Variants in ATP6V1G1 observed in about 807,000 individuals in gnomAD.
The protein encoded by ATP6V1G1 is ATPase H+ transporting V1 subunit G1.
A neutral mutation model predicts 14.2 loss-of-function variants in ATP6V1G1; 14 were observed. The ratio of observed to expected loss-of-function variants is 0.99; its 90% CI spans 0.65 to 1.55. The LOEUF is 1.55. Ranked by LOEUF, ATP6V1G1 falls within the 40% of genes most tolerant of loss-of-function variation. The pLI is 0.00. For missense variants in ATP6V1G1, 137 were observed against 146.4 expected (o/e 0.94, Z 0.33); for synonymous variants, 65 against 53.3 (o/e 1.22, Z -0.96).
rs774500309 is a variant in ATP6V1G1 at position 114,597,880 on chromosome 9, T to C, written c.*137T>C. The C allele has an allele frequency of 6.2e-5, 50 of 800,328 alleles. No homozygotes were observed. The highest frequency in any genetic ancestry group is 7.9e-5 in the Non-Finnish European group (47 of 591,368). 49.6% of individuals were successfully genotyped at this position (800,328 alleles called of 1,614,324 possible). On this transcript the variant is annotated 3_prime_UTR_variant, in exon 3 of 3. Transcript: ENST00000374050. ...ATTATATAATAGGTCCTTCCACTTT[T>C]TGGAGAGTAGCAAATCTAGCTTTTT...
At chr9:114,594,861 CTTT>C (rs71997716) in intron 2 of ATP6V1G1, among the ~76,000 whole-genome samples, 131 of 110,560 alleles carry the variant, frequency 1.2e-3, no homozygotes, top group African/African-American at 1.7e-3. Flanking sequence ...TTCTTTTTTT[CTTT>C]TTTTTTTTTT....
chr9:114,594,933 C>G (rs1227826500), intron 2 of ATP6V1G1, among the ~76,000 whole-genome samples: 2 of 147,690 alleles, frequency 1.4e-5, no homozygotes, highest in African/African-American at 5.0e-5. Context: ...GATCTTGGCT[C>G]ACTGCATCCC....
intron 1 of ATP6V1G1, among the ~76,000 whole-genome samples, chr9:114,590,870 A>G (rs1845176249): frequency 1.3e-5 from 2 of 152,046 alleles, no homozygotes; most frequent in South Asian, 4.1e-4. Context: ...ATCTCGGCTC[A>G]CTACAATCTC....
At chr9:114,590,065 G>A (rs533948484) in intron 1 of ATP6V1G1, among the ~76,000 whole-genome samples, 35 of 152,008 alleles carry the variant, frequency 2.3e-4, no homozygotes, top group Admixed American at 2.2e-3. Flanking sequence ...GGGCGTGGTG[G>A]TGTGCGCGTG....
rs879407343 is a variant in ATP6V1G1, at chr9:114,598,779, G to A, written c.*1036G>A. 1.3e-5 allele frequency among the ~76,000 whole-genome samples: 2 copies of A among 152,024 alleles called. No homozygotes were observed. Among genetic ancestry groups the A allele is most frequent in the Non-Finnish European group, 2.9e-5 (2 of 68,018 alleles). On this transcript the variant is annotated 3_prime_UTR_variant, in exon 3 of 3. Transcript: ENST00000374050. The stretch of plus-strand genomic sequence containing the variant: ...CCATCTTAGCCGAAAGTCTTTGGTT[G>A]CAAAATCTTATAGGTAAAAACAGTT...
At chr9:114,596,725 C>G (rs1439818481) in intron 2 of ATP6V1G1, among the ~76,000 whole-genome samples, 2 of 152,104 alleles carry the variant, frequency 1.3e-5, no homozygotes, top group African/African-American at 2.4e-5. Flanking sequence ...TCTCGAATAG[C>G]TGAGACTACA....
At position 114,592,649 on chromosome 9, in the gene ATP6V1G1, T is replaced by C; in HGVS notation, c.180T>C (p.Ala60=). Residue 60 remains alanine, a synonymous_variant, in exon 2 of 3, where the codon GCT becomes GCC. Transcript: ENST00000374050. ...AGAAAGAATTCAAGGCCAAGGAAGCTGCGGTGGGGCACCATTTGTTTTTGT... is the reference window on the plus strand; with the variant it reads ...AGAAAGAATTCAAGGCCAAGGAAGCCGCGGTGGGGCACCATTTGTTTTTGT... The part of the protein sequence containing the change: ...QREKEFKAKE[A]AALGSRGSCS... 4 of 1,572,210 alleles carry C rather than the reference T, an allele frequency of 2.5e-6. No individual in the cohort carries two copies. The highest frequency in any genetic ancestry group is 1.2e-5 in the South Asian group (1 of 85,470).
At position 114,597,652 on chromosome 9, in the gene ATP6V1G1, G is replaced by A. The variant is rs61742531; in HGVS notation, c.266G>A (p.Arg89Gln). Reference sequence around the variant, plus strand: ...ATGACCATCCTCCAGACATACTTCCGGCAGAACAGGGATGAAGTCTTGGAC... The same window carrying A: ...ATGACCATCCTCCAGACATACTTCCAGCAGAACAGGGATGAAGTCTTGGAC... ...EKMTILQTYF[R>Q]QNRDEVLDNL... Residue 89 changes from arginine (R) to glutamine (Q), a missense_variant, in exon 3 of 3, where the codon CGG (arginine) becomes CAG (glutamine). Transcript: ENST00000374050. 2.5e-3 allele frequency: 4,009 copies of A among 1,590,632 alleles called. 86 individuals are homozygous for A. In the African/African-American group the frequency reaches 0.047, roughly 19 times the overall value.
intron 1 of ATP6V1G1, among the ~76,000 whole-genome samples, chr9:114,588,496 CAT>C (rs748393457): frequency 2.2e-4 from 32 of 143,384 alleles, no homozygotes; most frequent in South Asian, 4.6e-4. Context: ...GTGTTTCTAA[CAT>C]GTGGCAAGCG....
At chr9:114,589,949 G>A (rs1845166256) in intron 1 of ATP6V1G1, among the ~76,000 whole-genome samples, 1 of 152,138 alleles carries the variant, frequency 6.6e-6, no homozygotes, top group Admixed American at 6.5e-5. Context: ...TGTAATCCCA[G>A]CACTTTGGGA....
intron 2 of ATP6V1G1, 56 bp downstream of exon 2, chr9:114,592,708 A>G: frequency 2.0e-6 from 3 of 1,522,782 alleles, no homozygotes; most frequent in Admixed American, 2.0e-5. Flanking sequence ...TGTCCCGCCA[A>G]GGCTTTCAGA....
At chr9:114,595,025 G>GTT (rs76024528) in intron 2 of ATP6V1G1, among the ~76,000 whole-genome samples, 21 of 138,152 alleles carry the variant, frequency 1.5e-4, no homozygotes, top group African/African-American at 2.9e-4. Flanking sequence ...ACGCCTGGCA[G>GTT]TTTTTTTTTT....
chr9:114,591,728 T>C (rs1339491215), intron 1 of ATP6V1G1, among the ~76,000 whole-genome samples: 2 of 152,188 alleles, frequency 1.3e-5, no homozygotes, highest in African/African-American at 4.8e-5. Flanking sequence ...TGATGTACAG[T>C]GTTGTATAAC....
intron 1 of ATP6V1G1, among the ~76,000 whole-genome samples, 161 bp from the exon 2 acceptor site, chr9:114,592,390 AC>A (rs1845191250): frequency 6.6e-6 from 1 of 152,016 alleles, no homozygotes; most frequent in Non-Finnish European, 1.5e-5. Flanking sequence ...GGAGGGAGGA[AC>A]CTGTACTGTT....
At chr9:114,596,753 C>T (rs1164954035) in intron 2 of ATP6V1G1, among the ~76,000 whole-genome samples, 1 of 152,104 alleles carries the variant, frequency 6.6e-6, no homozygotes, top group Non-Finnish European at 1.5e-5. Context: ...ACCACCACGA[C>T]TGGCTTGTGT....
At chr9:114,589,003 A>T (rs1845157671) in intron 1 of ATP6V1G1, among the ~76,000 whole-genome samples, 1 of 152,082 alleles carries the variant, frequency 6.6e-6, no homozygotes, top group Non-Finnish European at 1.5e-5. Flanking sequence ...AAGCAGCATG[A>T]TGTCTTTCAC....
chr9:114,587,896 G>C lies in ATP6V1G1; in HGVS notation c.58G>C (p.Glu20Gln). The change falls in exon 1 of 3, where the codon GAG (glutamate) becomes CAG (glutamine). Residue 20 changes from glutamate (E) to glutamine (Q), a missense_variant. Physicochemically the swap from Glu to Gln is conservative, Grantham distance 29. Coordinates refer to ENST00000374050, the MANE Select transcript of ATP6V1G1 (RefSeq NM_004888.4). ...GCTGCAGGCCGAGAAGCGGGCAGCCGAGAAGGTGTCCGAGGCCCGCAAAAG... is the reference window on the plus strand; with the variant it reads ...GCTGCAGGCCGAGAAGCGGGCAGCCCAGAAGGTGTCCGAGGCCCGCAAAAG... Reference protein sequence around the residue: ...QLLQAEKRAAEKVSEARKRKN... With the variant: ...QLLQAEKRAAQKVSEARKRKN... The C allele has an allele frequency of 3.1e-6, 5 of 1,588,104 alleles. No homozygotes were observed. The highest frequency in any genetic ancestry group is 4.3e-6 in the Non-Finnish European group (5 of 1,167,870).
At chr9:114,595,194 C>T (rs1313279394) in intron 2 of ATP6V1G1, among the ~76,000 whole-genome samples, 1 of 152,068 alleles carries the variant, frequency 6.6e-6, no homozygotes, top group Non-Finnish European at 1.5e-5. Flanking sequence ...TAGCAGTGTT[C>T]CATTGTAACC....
At chr9:114,593,663 A>AT (rs368232050) in intron 2 of ATP6V1G1, among the ~76,000 whole-genome samples, 13 of 149,612 alleles carry the variant, frequency 8.7e-5, no homozygotes, top group Admixed American at 2.7e-4. Context: ...TGCTCAGCTA[A>AT]TTTTTTTTTT....
Sources: gnomAD v4.1 joint callset for allele counts (sites outside exome capture counted in the v4.1 genomes callset) on GRCh38, gnomAD v4.1.1 for gene constraint, MANE v1.5 for transcripts, NCBI Gene and HGNC (gene_info 2026-07-23, HGNC 2026-07-21) for gene names.